Variants in PDE1C observed in about 807,000 individuals in gnomAD.
The protein encoded by PDE1C is phosphodiesterase 1C.
PDE1C carries 62 observed loss-of-function variants against 93.1 expected under a neutral mutation model. The observed-to-expected ratio is 0.67, with a 90% confidence interval of 0.54 to 0.82. The LOEUF (loss-of-function observed/expected upper bound fraction) is 0.82, where lower values mean the gene tolerates loss of function less well. Ranked by LOEUF, PDE1C falls within the 40% of genes least tolerant of loss-of-function variation. The pLI is 0.00. For missense variants in PDE1C, 742 were observed against 884.6 expected, an observed-to-expected ratio of 0.84 and a Z score of 2.04; for synonymous variants, 325 against 310.1, an observed-to-expected ratio of 1.05 and a Z score of -0.50.
the PDE1C span, chr7:31,642,408 C>A: frequency 5.3e-5 from 35 of 663,212 alleles, no homozygotes; most frequent in Non-Finnish European, 8.8e-5. Context: ...TGAGAAGGCA[C>A]AAGCCACCTG....
At chr7:32,244,010 C>A in intron 1 of PDE1C, among the ~76,000 whole-genome samples, 1 of 152,272 alleles carries the variant, frequency 6.6e-6, no homozygotes, top group Middle Eastern at 3.4e-3. Context: ...CTTCCTCTAC[C>A]AAGACAAGAT....
intron 2 of PDE1C, among the ~76,000 whole-genome samples, chr7:32,015,518 C>A (rs1563197606): frequency 6.6e-6 from 1 of 152,098 alleles, no homozygotes; most frequent in African/African-American, 2.4e-5. Context: ...CCTCATATTT[C>A]TGCCTGCCCC....
At position 32,391,377 on chromosome 7, in the gene PDE1C, G is replaced by A. The variant is rs139612449; in HGVS notation, c.310+36445C>T. On this transcript the variant is annotated intron_variant, in intron 1 of 1. Transcript: ENST00000672256. ...GCAAAAATTGACAGAATTAAAGGGAGAAACAGACAACTCAACAGTAGTAGT... is the reference window on the plus strand; with the variant it reads ...GCAAAAATTGACAGAATTAAAGGGAAAAACAGACAACTCAACAGTAGTAGT... 3.1e-3 allele frequency among the ~76,000 whole-genome samples: 470 copies of A among 152,230 alleles called. 1 individual carries two copies. Among genetic ancestry groups the A allele is most frequent in the African/African-American group, 0.011 (448 of 41,524 alleles).
Position 32,307,846 on chromosome 7 carries a change from G to A in PDE1C, c.311-98307C>T, listed in dbSNP as rs1032510958. Among the ~76,000 whole-genome samples, 12 of 152,342 alleles carry A rather than the reference G, an allele frequency of 7.9e-5. No individual in the cohort carries two copies. In the South Asian group the frequency reaches 1.0e-3, roughly 13 times the overall value. On this transcript the variant is annotated intron_variant, in intron 1 of 1. Transcript: ENST00000672256. The stretch of plus-strand genomic sequence containing the variant: ...ATTTCTGCATTCCATCTGAGGTACC[G>A]GGTTCATCTCACTAGGGAGTGCCAG...
chr7:31,888,905 C>T (rs1798293053), intron 2 of PDE1C, among the ~76,000 whole-genome samples: 2 of 152,060 alleles, frequency 1.3e-5, no homozygotes, highest in South Asian at 2.1e-4. Context: ...AAAATGGTAC[C>T]ATTCACAGAA....
chr7:31,703,609 G>A, the PDE1C span, among the ~76,000 whole-genome samples: 231 of 152,328 alleles, frequency 1.5e-3, no homozygotes, highest in African/African-American at 5.2e-3. Context: ...CCTTTTAGTA[G>A]CTAAAGATTT....
intron 2 of PDE1C, among the ~76,000 whole-genome samples, chr7:31,968,648 C>T (rs1455901416): frequency 2.6e-5 from 4 of 152,116 alleles, no homozygotes; most frequent in Non-Finnish European, 4.4e-5. Context: ...GCCCGCATCG[C>T]CAGGTCAATC....
chr7:31,968,132 T>C (rs1279337559), intron 2 of PDE1C, among the ~76,000 whole-genome samples: 2 of 152,044 alleles, frequency 1.3e-5, no homozygotes, highest in Non-Finnish European at 1.5e-5. Flanking sequence ...GAGAAGGAAA[T>C]AAAGGGCATT....
At chr7:32,014,724 T>C (rs1417994168) in intron 2 of PDE1C, among the ~76,000 whole-genome samples, 1 of 152,182 alleles carries the variant, frequency 6.6e-6, no homozygotes, top group African/African-American at 2.4e-5. Context: ...GGTTTTCTGT[T>C]CCTGTGTCAG....
chr7:31,918,897 A>G (rs1433765520), intron 2 of PDE1C, among the ~76,000 whole-genome samples: 2 of 152,250 alleles, frequency 1.3e-5, no homozygotes, highest in African/African-American at 4.8e-5. Context: ...ATCTGAGCCA[A>G]GATGGCTAAG....
At chr7:31,728,160 T>A in the PDE1C span, among the ~76,000 whole-genome samples, 1 of 152,144 alleles carries the variant, frequency 6.6e-6, no homozygotes, top group Non-Finnish European at 1.5e-5. Context: ...CATGCTGAGG[T>A]TCTCTGAAAC....
the PDE1C span, among the ~76,000 whole-genome samples, chr7:31,690,873 T>C: frequency 6.6e-6 from 1 of 152,190 alleles, no homozygotes; most frequent in African/African-American, 2.4e-5. Flanking sequence ...GGAATGAATA[T>C]TTTCAACAGA....
the PDE1C span, among the ~76,000 whole-genome samples, chr7:31,700,984 G>A: frequency 2.0e-5 from 3 of 152,160 alleles, no homozygotes; most frequent in African/African-American, 7.2e-5. Context: ...GGCACACAAG[G>A]AGATTAATGT....
At chr7:32,177,208 T>C (rs1192076536) in intron 2 of PDE1C, among the ~76,000 whole-genome samples, 1 of 152,130 alleles carries the variant, frequency 6.6e-6, no homozygotes, top group Non-Finnish European at 1.5e-5. Context: ...TTCTGGAAAG[T>C]AGATTCTGAG....
Position 31,847,936 on chromosome 7 carries a change from G to T in PDE1C, c.980+32C>A, listed in dbSNP as rs760870735. ...ATCCAACTTCAAAGTTCCTTCCCTG[G>T]CCTACAAATCTCTCTCTTTTCTCAT... On this transcript the variant is annotated intron_variant, in intron 9 of 17. Coordinates refer to ENST00000396191, the MANE Select transcript of PDE1C (RefSeq NM_001191057.4). 1.9e-6 allele frequency: 3 copies of T among 1,609,748 alleles called. No homozygotes were observed. In the Admixed American group the frequency reaches 5.0e-5, roughly 27 times the overall value.
At chr7:31,738,005 G>C in the PDE1C span, among the ~76,000 whole-genome samples, 1 of 152,034 alleles carries the variant, frequency 6.6e-6, no homozygotes, top group South Asian at 2.1e-4. Context: ...TCCCCTTTGG[G>C]CTGGAGTTCC....
upstream of PDE1C, chr7:32,070,741 A>C: frequency 9.1e-7 from 1 of 1,102,392 alleles, no homozygotes. Context: ...CCTACCCCCA[A>C]ACAAAGCCAC....
intron 2 of PDE1C, among the ~76,000 whole-genome samples, chr7:31,979,856 G>A (rs1053831440): frequency 6.6e-6 from 1 of 152,196 alleles, no homozygotes; most frequent in Admixed American, 6.5e-5. Context: ...AACTACAGCA[G>A]ATGCTGGTAT....
At chr7:32,129,100 C>T (rs1055291711) in intron 3 of PDE1C, among the ~76,000 whole-genome samples, 2 of 150,736 alleles carry the variant, frequency 1.3e-5, no homozygotes, top group Non-Finnish European at 3.0e-5. Flanking sequence ...AAAATAGACC[C>T]TTTTTCCTCT....
Sources: gnomAD v4.1 joint callset for allele counts (sites outside exome capture counted in the v4.1 genomes callset) on GRCh38, gnomAD v4.1.1 for gene constraint, MANE v1.5 for transcripts, NCBI Gene and HGNC (gene_info 2026-07-23, HGNC 2026-07-21) for gene names.